The following TUBA3E variants were observed in gnomAD, a reference collection of about 807,000 sequenced individuals.
TUBA3E encodes tubulin alpha-3E chain.
A neutral mutation model predicts 36.7 loss-of-function variants in TUBA3E; 21 were observed. That is an observed-to-expected ratio of 0.57 (90% CI 0.41 to 0.83). TUBA3E has a LOEUF of 0.83. TUBA3E is among the 40% of genes least tolerant of loss of function. The pLI, the probability that TUBA3E is intolerant of heterozygous loss-of-function variation, is 0.00. For missense variants in TUBA3E, 469 were observed against 604.2 expected (o/e 0.78, Z 2.35); for synonymous variants, 177 against 241.9 (o/e 0.73, Z 2.49).
chr2:130,197,492 C>CAAAA (rs1202771961), intron 1 of TUBA3E, among the ~76,000 whole-genome samples: 203 of 44,094 alleles, frequency 4.6e-3, no homozygotes, highest in African/African-American at 5.7e-3. Flanking sequence ...AGTGCTGTCT[C>CAAAA]AAAAAAAAAA....
intron 1 of TUBA3E, 83 bp from the exon 2 acceptor site, chr2:130,196,454 AT>A: frequency 6.5e-7 from 1 of 1,532,770 alleles, no homozygotes; most frequent in South Asian, 1.3e-5. Flanking sequence ...CTAATTTAAT[AT>A]TTATATAGTG....
intron 4 of TUBA3E, 119 bp downstream of exon 4, chr2:130,193,667 G>T: frequency 6.7e-6 from 8 of 1,188,898 alleles, no homozygotes; most frequent in African/African-American, 1.5e-5. Flanking sequence ...ACTAACTTAT[G>T]CCCACATGCC....
chr2:130,192,224 A>G, intron 4 of TUBA3E, 97 bp from the exon 5 acceptor site: 2 of 1,496,068 alleles, frequency 1.3e-6, no homozygotes, highest in Non-Finnish European at 1.8e-6. Flanking sequence ...TGTAGGTGAC[A>G]CGGAGAATGC....
Position 130,194,060 on chromosome 2 carries a change from G to A in TUBA3E, c.782C>T (p.Pro261Leu), listed in dbSNP as rs768297311. 8.7e-6 allele frequency: 14 copies of A among 1,614,184 alleles called. No individual in the cohort carries two copies. The highest frequency in any genetic ancestry group is 5.3e-5 in the African/African-American group (4 of 75,074). Residue 261 changes from proline (P) to leucine (L), a missense_variant, in exon 4 of 5, where the codon CCG becomes CTG. Physicochemically the swap from Pro to Leu is moderately conservative, Grantham distance 98. Around this residue, in one of 3 missense-constraint regions of TUBA3E, gnomAD observed 296 missense variants for 346.9 expected, o/e 0.85. Transcript: ENST00000312988. Reference sequence around the variant, plus strand: ...CAGGGGGAAGTGGATGCGGGGGTACGGCACGAGGTTGGTCTGGAATTCCGT... The same window carrying A: ...CAGGGGGAAGTGGATGCGGGGGTACAGCACGAGGTTGGTCTGGAATTCCGT... ...DLTEFQTNLV[P>L]YPRIHFPLAT...
intron 1 of TUBA3E, among the ~76,000 whole-genome samples, chr2:130,197,359 C>T (rs1690433218): frequency 7.7e-6 from 1 of 129,234 alleles, no homozygotes; most frequent in Non-Finnish European, 1.7e-5. Flanking sequence ...TGGTGGCACA[C>T]ACCTGTAGTA....
chr2:130,198,069 C>T (rs1690455352), intron 1 of TUBA3E, among the ~76,000 whole-genome samples: 1 of 123,406 alleles, frequency 8.1e-6, no homozygotes, highest in African/African-American at 2.9e-5. Flanking sequence ...GAGCAGCGCC[C>T]TCCTGTCTTC....
chr2:130,198,056 C>T (rs577859772), intron 1 of TUBA3E, among the ~76,000 whole-genome samples: 2 of 123,306 alleles, frequency 1.6e-5, no homozygotes, highest in South Asian at 2.8e-4. Flanking sequence ...ACGTGTGAAG[C>T]GGGAGCAGCG....
At chr2:130,192,792 C>T (rs34909360) in intron 4 of TUBA3E, among the ~76,000 whole-genome samples, 2 of 152,102 alleles carry the variant, frequency 1.3e-5, no homozygotes, top group African/African-American at 2.4e-5. Context: ...TCAGCAAACT[C>T]GTTCTATAAA....
In TUBA3E at chr2:130,191,892, T is replaced by A. The variant is rs149095256; in HGVS notation, c.1292A>T (p.Asp431Val). 1.2e-6 allele frequency: 2 copies of A among 1,613,658 alleles called. No homozygotes were observed. The highest frequency in any genetic ancestry group is 1.7e-6 in the Non-Finnish European group (2 of 1,179,770). The change falls in exon 5 of 5, where the codon GAT becomes GTT. Residue 431 changes from aspartate to valine, a missense_variant. By Grantham distance (152) the Asp-to-Val change is radical. Transcript: ENST00000312988. Reference protein sequence around the residue: ...AREDLAALEKDCEEVGVDSVE... With the variant: ...AREDLAALEKVCEEVGVDSVE... ...GGAATCCACGCCCACCTCTTCACAA[T>A]CCTTCTCTAGAGCTGCCAGGTCCTC...
Position 130,193,860 on chromosome 2 carries a change from C to T in TUBA3E, c.982G>A (p.Val328Ile), listed in dbSNP as rs139015117. The T allele has an allele frequency of 4.6e-5, 75 of 1,614,086 alleles. No individual in the cohort carries two copies. Among genetic ancestry groups the T allele is most frequent in the South Asian group, 6.6e-5 (6 of 91,090 alleles). ...LYRGDVVPKDVNAAIATIKTK... is the reference protein window; with the variant it reads ...LYRGDVVPKDINAAIATIKTK... Reference sequence around the variant, plus strand: ...TTGATGGTGGCGATGGCCGCATTGACGTCTTTGGGGACCACGTCCCCCCTG... The same window carrying T: ...TTGATGGTGGCGATGGCCGCATTGATGTCTTTGGGGACCACGTCCCCCCTG... The change falls in exon 4 of 5, where the codon GTC (valine) becomes ATC (isoleucine). Residue 328 changes from valine to isoleucine, a missense_variant. Coordinates refer to ENST00000312988, the MANE Select transcript of TUBA3E (RefSeq NM_207312.3).
rs149796591 is a variant in TUBA3E at position 130,198,206 on chromosome 2, A to G, written c.3+152T>C. 521 of 916,210 alleles carry G rather than the reference A, an allele frequency of 5.7e-4. 100 individuals carry two copies. In the African/African-American group the frequency reaches 8.5e-3, roughly 15 times the overall value. 56.8% of individuals were successfully genotyped at this position (916,210 alleles called of 1,614,324 possible). A position where few individuals can be genotyped will look rare whatever the true frequency, so the allele number is the denominator to read the frequency against. On this transcript the variant is annotated intron_variant, in intron 1 of 4. Coordinates refer to ENST00000312988, the MANE Select transcript of TUBA3E (RefSeq NM_207312.3). ...CTGCCCTGGGACCTGCAGATCCAGG[A>G]AACGATCCCGTGTCCTCCTGTCCCG...
At position 130,195,205 on chromosome 2, in the gene TUBA3E, G is replaced by C. The variant is rs765002756; in HGVS notation, c.249C>G (p.Tyr83Ter). 4 of 1,613,874 alleles carry C rather than the reference G, an allele frequency of 2.5e-6. No individual in the cohort carries two copies. Among genetic ancestry groups the C allele is most frequent in the Non-Finnish European group, 3.4e-6 (4 of 1,179,952 alleles). ...GCTGCTCTGGGTGGAAGAGCTGCCT[G>C]TAGGTCCCTGTGCGCACTTCATCTG... ...TVVDEVRTGT[Y>*]RQLFHPEQLI... The change falls in exon 3 of 5, where the codon TAC becomes TAG. Residue 83 changes from tyrosine to a stop codon, truncating the protein, a stop_gained. Transcript: ENST00000312988. LOFTEE classifies it high-confidence loss of function.
At chr2:130,192,570 G>A (rs915445983) in intron 4 of TUBA3E, among the ~76,000 whole-genome samples, 10 of 152,210 alleles carry the variant, frequency 6.6e-5, no homozygotes, top group African/African-American at 2.4e-4. Context: ...AAGCCACTGT[G>A]GATATGCAAA....
chr2:130,193,889 A>C lies in TUBA3E; in HGVS notation c.953T>G (p.Leu318Trp). ...RHGKYMACCMLYRGDVVPKDV... is the reference protein window; with the variant it reads ...RHGKYMACCMWYRGDVVPKDV... ...TTTGGGGACCACGTCCCCCCTGTACAACATGCAGCAGGCCATGTACTTGCC... is the reference window on the plus strand; with the variant it reads ...TTTGGGGACCACGTCCCCCCTGTACCACATGCAGCAGGCCATGTACTTGCC... Residue 318 changes from leucine to tryptophan, a missense_variant, in exon 4 of 5, where the codon TTG (leucine) becomes TGG (tryptophan). Physicochemically the swap from Leu to Trp is moderately conservative, Grantham distance 61 (BLOSUM62 -2). This residue lies in a region of TUBA3E where 296 missense variants were observed against 346.9 expected (regional missense o/e 0.85). Coordinates refer to ENST00000312988, the MANE Select transcript of TUBA3E (RefSeq NM_207312.3). The C allele has an allele frequency of 6.2e-7, 1 of 1,614,242 alleles. No individual in the cohort carries two copies. Among genetic ancestry groups the C allele is most frequent in the Non-Finnish European group, 8.5e-7 (1 of 1,180,044 alleles).
At position 130,194,157 on chromosome 2, in the gene TUBA3E, G is replaced by T; in HGVS notation, c.685C>A (p.Arg229Ser). The T allele has an allele frequency of 6.2e-7, 1 of 1,613,916 alleles. No individual in the cohort carries two copies. Among genetic ancestry groups the T allele is most frequent in the Non-Finnish European group, 8.5e-7 (1 of 1,180,024 alleles). Residue 229 changes from arginine to serine, a missense_variant, in exon 4 of 5, where the codon CGC (arginine) becomes AGC (serine). Arg to Ser is a moderately radical substitution (Grantham distance 110). This residue lies in a region of TUBA3E where 296 missense variants were observed against 346.9 expected (regional missense o/e 0.85). Coordinates refer to ENST00000312988, the MANE Select transcript of TUBA3E (RefSeq NM_207312.3). ...IERPTYTNLN[R>S]LIGQIVSSIT... ...GAGGACACGATCTGCCCAATCAGGC[G>T]ATTGAGGTTGGTGTACGTGGGACGT... is the stretch of plus-strand genomic sequence containing the variant.
chr2:130,197,214 G>A (rs1481602210), intron 1 of TUBA3E, among the ~76,000 whole-genome samples: 2 of 152,164 alleles, frequency 1.3e-5, no homozygotes, highest in Non-Finnish European at 2.9e-5. Context: ...GCCAAGCTGG[G>A]TGTGGTGGCT....
In TUBA3E at chr2:130,193,953, C is replaced by T. The variant is rs369136801; in HGVS notation, c.889G>A (p.Glu297Lys). The T allele has an allele frequency of 1.5e-5, 24 of 1,614,184 alleles. No homozygotes were observed. The highest frequency in any genetic ancestry group is 2.7e-5 in the African/African-American group (2 of 75,058). ...CACTTGACCATCTGATTGGCTGGCT[C>T]GAAGCAGGCATTGGTGATCTCGGCC... ...SVAEITNACF[E>K]PANQMVKCDP... Residue 297 changes from glutamate (E) to lysine (K), a missense_variant, in exon 4 of 5, where the codon GAG becomes AAG. This residue lies in a region of TUBA3E where 296 missense variants were observed against 346.9 expected (regional missense o/e 0.85). Transcript: ENST00000312988.
chr2:130,193,782 A>T lies in TUBA3E; in HGVS notation c.1056+4T>A. On this transcript the variant is annotated splice_donor_region_variant and intron_variant, in intron 4 of 4. Transcript: ENST00000312988. ...TGAAAGGCCTCCATGTCACCCAGTCATACCTTAAATCCAGTCGGGCACCAA... is the reference window on the plus strand; with the variant it reads ...TGAAAGGCCTCCATGTCACCCAGTCTTACCTTAAATCCAGTCGGGCACCAA... 1 of 1,599,218 alleles carries T rather than the reference A, an allele frequency of 6.3e-7. No individual in the cohort carries two copies. Among genetic ancestry groups the T allele is most frequent in the Non-Finnish European group, 8.5e-7 (1 of 1,169,946 alleles).
At chr2:130,197,146 C>T (rs1182176407) in intron 1 of TUBA3E, among the ~76,000 whole-genome samples, 1 of 152,172 alleles carries the variant, frequency 6.6e-6, no homozygotes, top group Admixed American at 6.5e-5. Context: ...TGTAATGGCT[C>T]CCAGACATCA....
Sources: gnomAD v4.1 joint callset for allele counts (sites outside exome capture counted in the v4.1 genomes callset) on GRCh38, gnomAD v4.1.1 for gene constraint, gnomAD v4.1.1 regional missense constraint, MANE v1.5 for transcripts, NCBI Gene and HGNC (gene_info 2026-07-23, HGNC 2026-07-21) for gene names.